SGMS2: variants seen among roughly 807,000 people sequenced by gnomAD.
The protein encoded by SGMS2 is sphingomyelin synthase 2.
SGMS2 carries 21 observed loss-of-function variants against 43.8 expected under a neutral mutation model. The ratio of observed to expected loss-of-function variants is 0.48; its 90% CI spans 0.34 to 0.69. SGMS2 has a LOEUF of 0.69. SGMS2 is among the 30% of genes least tolerant of loss of function. SGMS2 has a pLI of 0.01. For missense variants in SGMS2, 384 were observed against 443.2 expected (o/e 0.87, Z 1.20); for synonymous variants, 167 against 160.6 (o/e 1.04, Z -0.30).
At chr4:107,852,011 G>A (rs375984313) in intron 1 of SGMS2, among the ~76,000 whole-genome samples, 1 of 151,894 alleles carries the variant, frequency 6.6e-6, no homozygotes, top group South Asian at 2.1e-4. Context: ...AATGAAAAAT[G>A]AGGTGTACCG....
At chr4:107,836,502 G>A (rs1726185480) in intron 1 of SGMS2, among the ~76,000 whole-genome samples, 1 of 152,128 alleles carries the variant, frequency 6.6e-6, no homozygotes, top group Non-Finnish European at 1.5e-5. Context: ...GCCTATAAAT[G>A]AAATGTTTAG....
intron 1 of SGMS2, among the ~76,000 whole-genome samples, chr4:107,827,222 A>G (rs1035380498): frequency 7.2e-5 from 11 of 152,200 alleles, no homozygotes; most frequent in Non-Finnish European, 1.5e-4. Context: ...TGTTGTCTCA[A>G]TGGAGAAATT....
chr4:107,876,558 T>C (rs904647232), intron 2 of SGMS2, among the ~76,000 whole-genome samples: 1 of 152,254 alleles, frequency 6.6e-6, no homozygotes, highest in East Asian at 1.9e-4. Context: ...CTGTTTTTAT[T>C]ATGCTTTGCA....
intron 3 of SGMS2, 48 bp downstream of exon 3, chr4:107,896,056 G>A: frequency 2.0e-6 from 3 of 1,509,332 alleles, no homozygotes; most frequent in South Asian, 1.2e-5. Context: ...TTGTTTTTGA[G>A]TGAATAGATG....
intron 2 of SGMS2, among the ~76,000 whole-genome samples, chr4:107,861,319 T>A (rs1039779755): frequency 6.6e-6 from 1 of 152,200 alleles, no homozygotes; most frequent in Non-Finnish European, 1.5e-5. Flanking sequence ...GGTTAAATCC[T>A]CAGTTATCTG....
intron 1 of SGMS2, among the ~76,000 whole-genome samples, chr4:107,838,623 CTTT>C (rs1439449736): frequency 1.3e-5 from 2 of 152,062 alleles, no homozygotes; most frequent in Admixed American, 1.3e-4. Context: ...GCAGGCCCTT[CTTT>C]GTCACTCCAC....
chr4:107,826,396 T>C (rs150322163), intron 1 of SGMS2, among the ~76,000 whole-genome samples: 11 of 152,350 alleles, frequency 7.2e-5, no homozygotes, highest in Non-Finnish European at 1.0e-4. Context: ...AAGTTAAACA[T>C]TTTTAGTACG....
chr4:107,851,510 A>T (rs918852078), intron 1 of SGMS2, among the ~76,000 whole-genome samples: 1 of 152,158 alleles, frequency 6.6e-6, no homozygotes, highest in Admixed American at 6.5e-5. Context: ...GTTAACATAC[A>T]CTTAGCTCTG....
chr4:107,898,233 C>T (rs771894524), intron 3 of SGMS2, among the ~76,000 whole-genome samples: 5 of 149,638 alleles, frequency 3.3e-5, no homozygotes, highest in Non-Finnish European at 7.4e-5. Context: ...TAAATACTCT[C>T]ATCTACTAGT....
Position 107,910,597 on chromosome 4 carries a change from G to A in SGMS2, c.*44G>A, listed in dbSNP as rs372939839. On this transcript the variant is annotated 3_prime_UTR_variant, in exon 7 of 7. Transcript: ENST00000690982. ...CAGCTCTTACACCAAAAGAGTTAAC[G>A]CTGTAACCAAAGGTATAGTTTTGTT... The A allele has an allele frequency of 1.6e-5, 25 of 1,573,910 alleles. No homozygotes were observed. Among genetic ancestry groups the A allele is most frequent in the Middle Eastern group, 1.7e-4 (1 of 5,958 alleles).
rs561142652 is a variant in SGMS2, at chr4:107,913,348, T to C, written c.*2795T>C. ...CTTTCCTGAGTCCACTTGAACTAAT[T>C]GTGAATTTGTTACTTAATTTACTGG... On this transcript the variant is annotated 3_prime_UTR_variant, in exon 7 of 7. Transcript: ENST00000690982. 2.6e-5 allele frequency: 4 copies of C among 152,142 alleles called. No individual in the cohort carries two copies. Among genetic ancestry groups the C allele is most frequent in the Non-Finnish European group, 5.9e-5 (4 of 68,028 alleles). 9.4% of individuals were successfully genotyped at this position (152,142 alleles called of 1,614,324 possible).
At chr4:107,903,755 C>G (rs1221885266) in intron 5 of SGMS2, among the ~76,000 whole-genome samples, 1 of 152,138 alleles carries the variant, frequency 6.6e-6, no homozygotes, top group Non-Finnish European at 1.5e-5. Flanking sequence ...TTGGTACATT[C>G]TAAAGACAGA....
chr4:107,830,956 A>G (rs1016400065), intron 1 of SGMS2, among the ~76,000 whole-genome samples: 1 of 152,220 alleles, frequency 6.6e-6, no homozygotes, highest in Non-Finnish European at 1.5e-5. Flanking sequence ...TTAAATAATG[A>G]TACTATAAGT....
chr4:107,852,040 A>G (rs9942196), intron 1 of SGMS2, among the ~76,000 whole-genome samples: 6,985 of 151,996 alleles, frequency 0.046, 523 homozygotes, highest in African/African-American at 0.16. Context: ...CTCGGAGCAT[A>G]ATGATATGAA....
At chr4:107,836,113 C>A (rs934090535) in intron 1 of SGMS2, among the ~76,000 whole-genome samples, 3 of 152,118 alleles carry the variant, frequency 2.0e-5, no homozygotes, top group South Asian at 2.1e-4. Context: ...TTTTTACATT[C>A]TTTTCCAAGC....
At chr4:107,833,711 C>T (rs950815753) in intron 1 of SGMS2, among the ~76,000 whole-genome samples, 8 of 152,110 alleles carry the variant, frequency 5.3e-5, no homozygotes, top group Admixed American at 1.3e-4. Context: ...TCATCCTGCA[C>T]GGAAGGGGGA....
intron 1 of SGMS2, among the ~76,000 whole-genome samples, chr4:107,838,458 A>G (rs972943841): frequency 6.6e-6 from 1 of 151,160 alleles, no homozygotes; most frequent in Non-Finnish European, 1.5e-5. Context: ...TTTTGAAGTT[A>G]CATATTAAAA....
At chr4:107,887,804 C>G (rs1470213207) in intron 2 of SGMS2, among the ~76,000 whole-genome samples, 2 of 152,030 alleles carry the variant, frequency 1.3e-5, no homozygotes, top group Non-Finnish European at 2.9e-5. Flanking sequence ...AAACAATAAG[C>G]CTGAATAAAA....
intron 2 of SGMS2, among the ~76,000 whole-genome samples, chr4:107,871,234 T>G (rs1728535656): frequency 6.6e-6 from 1 of 152,230 alleles, no homozygotes; most frequent in South Asian, 2.1e-4. Context: ...TTTACTTATT[T>G]CTGATTTTAT....
Sources: allele counts gnomAD v4.1 joint callset (sites outside exome capture counted in the v4.1 genomes callset), GRCh38; gene constraint gnomAD v4.1.1; transcripts MANE v1.5; gene names NCBI Gene and HGNC (gene_info 2026-07-23, HGNC 2026-07-21).